MANBA: variants seen among roughly 807,000 people sequenced by gnomAD.
The protein encoded by MANBA is beta-mannosidase.
A neutral mutation model predicts 111.1 loss-of-function variants in MANBA; 83 were observed. The ratio of observed to expected loss-of-function variants is 0.75; its 90% CI spans 0.63 to 0.90. The LOEUF (loss-of-function observed/expected upper bound fraction) is 0.90. Among genes scored for constraint, MANBA ranks in the 40% least tolerant of loss-of-function variants. The probability of loss-of-function intolerance (pLI) is 0.00; values close to 1 mark genes in which losing one functional copy is unlikely to be tolerated. For missense variants in MANBA, 1,036 were observed against 1,069.0 expected, an observed-to-expected ratio of 0.97 and a Z score of 0.43; for synonymous variants, 370 against 378.7, an observed-to-expected ratio of 0.98 and a Z score of 0.27.
intron 13 of MANBA, 142 bp downstream of exon 13, chr4:102,650,395 A>G: frequency 2.3e-6 from 2 of 855,806 alleles, no homozygotes; most frequent in Non-Finnish European, 3.7e-6. Flanking sequence ...GTGTCATCAT[A>G]TATGTTCTTT....
chr4:102,737,513 C>T (rs1401935944), intron 1 of MANBA, among the ~76,000 whole-genome samples: 2 of 151,690 alleles, frequency 1.3e-5, no homozygotes, highest in Non-Finnish European at 2.9e-5. Flanking sequence ...AATGGAGTCT[C>T]GCTCTGTCAC....
intron 16 of MANBA, among the ~76,000 whole-genome samples, 200 bp downstream of exon 16, chr4:102,634,588 A>C (rs887652084): frequency 3.9e-5 from 6 of 152,166 alleles, no homozygotes; most frequent in African/African-American, 1.2e-4. Context: ...GTCACCAGCA[A>C]CTCTGACAAA....
intron 5 of MANBA, among the ~76,000 whole-genome samples, chr4:102,692,306 G>A (rs1180189035): frequency 6.6e-6 from 1 of 152,158 alleles, no homozygotes; most frequent in African/African-American, 2.4e-5. Context: ...AGACCGAAGA[G>A]GAGAATTATA....
intron 1 of MANBA, chr4:102,729,439 AC>A: frequency 4.7e-6 from 6 of 1,263,186 alleles, no homozygotes; most frequent in South Asian, 1.3e-5. Context: ...CATGGGCAGC[AC>A]CACAGATGTG....
intron 1 of MANBA, among the ~76,000 whole-genome samples, chr4:102,740,412 C>T (rs1348224754): frequency 6.6e-6 from 1 of 152,130 alleles, no homozygotes; most frequent in Admixed American, 6.5e-5. Flanking sequence ...ATCAAAATAC[C>T]ATCATCATTC....
At chr4:102,671,934 AGTGCTCAAACC>A (rs1731516957) in intron 8 of MANBA, 1 of 409,560 alleles carries the variant, frequency 2.4e-6, no homozygotes, top group Admixed American at 4.1e-5. Flanking sequence ...TTCCCAGAAC[AGTGCTCAAACC>A]AAGTAACAGG....
chr4:102,652,035 T>C (rs1316758149), intron 12 of MANBA, among the ~76,000 whole-genome samples: 2 of 152,224 alleles, frequency 1.3e-5, no homozygotes, highest in Non-Finnish European at 2.9e-5. Context: ...ATACAATGTA[T>C]AAGGATCAAA....
intron 1 of MANBA, among the ~76,000 whole-genome samples, chr4:102,742,893 G>A (rs959865680): frequency 4.7e-5 from 7 of 149,058 alleles, no homozygotes; most frequent in Non-Finnish European, 8.9e-5. Flanking sequence ...GCTCAGTGTC[G>A]GTCTCTGCTG....
At chr4:102,709,283 AAAGGAAGGAAGG>A (rs141516317) in intron 5 of MANBA, among the ~76,000 whole-genome samples, 5,672 of 127,628 alleles carry the variant, frequency 0.044, 496 homozygotes, top group African/African-American at 0.16. Flanking sequence ...GAAAAGAAAG[AAAGGAAGGAAGG>A]AAGGAAGGAA....
At chr4:102,751,710 C>T (rs1723807618) in intron 1 of MANBA, 1 of 542,326 alleles carries the variant, frequency 1.8e-6, no homozygotes, top group African/African-American at 1.9e-5. Context: ...TGACTGGATC[C>T]TTTCAGTTAA....
intron 13 of MANBA, among the ~76,000 whole-genome samples, chr4:102,646,273 T>G (rs972645445): frequency 1.3e-5 from 2 of 152,204 alleles, no homozygotes; most frequent in Admixed American, 6.5e-5. Flanking sequence ...TTCATTCCCC[T>G]CCTTTGCCCA....
At chr4:102,709,285 AG>A (rs1721915230) in intron 5 of MANBA, among the ~76,000 whole-genome samples, 2 of 454 alleles carry the variant, frequency 4.4e-3, no homozygotes, top group South Asian at 0.056. Context: ...AAAGAAAGAA[AG>A]GAAGGAAGGA....
At chr4:102,633,778 T>C (rs888945363) in intron 16 of MANBA, among the ~76,000 whole-genome samples, 6 of 152,154 alleles carry the variant, frequency 3.9e-5, no homozygotes, top group African/African-American at 1.2e-4. Context: ...CATAGTGGTT[T>C]TTTTTTTCTT....
intron 1 of MANBA, among the ~76,000 whole-genome samples, chr4:102,745,408 A>C (rs933256466): frequency 6.6e-6 from 1 of 152,160 alleles, no homozygotes; most frequent in African/African-American, 2.4e-5. Flanking sequence ...TACAGAGAAG[A>C]GCAATTACAG....
chr4:102,754,299 A>T (rs1165136220), intron 1 of MANBA, among the ~76,000 whole-genome samples: 1 of 152,150 alleles, frequency 6.6e-6, no homozygotes, highest in Non-Finnish European at 1.5e-5. Flanking sequence ...TGAATCAGCT[A>T]TTTAACTTTT....
intron 10 of MANBA, chr4:102,665,296 A>T: frequency 5.2e-6 from 1 of 193,906 alleles, no homozygotes; most frequent in Non-Finnish European, 1.1e-5. Flanking sequence ...AGCAAACACT[A>T]CCACTGAAAG....
intron 1 of MANBA, among the ~76,000 whole-genome samples, chr4:102,742,293 C>A (rs921250245): frequency 6.6e-6 from 1 of 152,110 alleles, no homozygotes; most frequent in Non-Finnish European, 1.5e-5. Context: ...ACCAGCAGAA[C>A]GTAATGTCGC....
intron 14 of MANBA, among the ~76,000 whole-genome samples, chr4:102,636,372 T>G (rs9996834): frequency 0.55 from 83,600 of 151,998 alleles, 23,422 homozygotes; most frequent in African/African-American, 0.63. Context: ...CTGTACAGCA[T>G]ATTGCTGTGC....
Position 102,723,012 on chromosome 4 carries a change from G to C in MANBA, c.408C>G (p.Asp136Glu), listed in dbSNP as rs779626922. 6.2e-7 allele frequency: 1 copy of C among 1,614,078 alleles called. No homozygotes were observed. The highest frequency in any genetic ancestry group is 8.5e-7 in the Non-Finnish European group (1 of 1,179,948). ...GGAAACGCAGCTCAATGGAGTTCAC[G>C]TCCCTGACCACGTTGGTAATATCAA... The part of the protein sequence containing the change: ...YSFDITNVVR[D>E]VNSIELRFQS... The change falls in exon 4 of 17, where the codon GAC becomes GAG. Residue 136 changes from aspartate to glutamate, a missense_variant. Coordinates refer to ENST00000647097, the MANE Select transcript of MANBA (RefSeq NM_005908.4).
Sources: gnomAD v4.1 joint callset for allele counts (sites outside exome capture counted in the v4.1 genomes callset) on GRCh38, gnomAD v4.1.1 for gene constraint, MANE v1.5 for transcripts, NCBI Gene and HGNC (gene_info 2026-07-23, HGNC 2026-07-21) for gene names.